OTUD7A: variants seen among roughly 807,000 people sequenced by gnomAD.
OTUD7A encodes the protein OTU domain-containing protein 7A.
Under a neutral mutation model 65.7 loss-of-function variants are expected in OTUD7A, and 12 were observed. That is an observed-to-expected ratio of 0.18 (90% CI 0.12 to 0.30). OTUD7A has a LOEUF of 0.30. Ranked by LOEUF, OTUD7A falls within the 10% of genes least tolerant of loss-of-function variation. OTUD7A has a pLI of 1.00. For missense variants in OTUD7A, 1,148 were observed against 1,304.8 expected (o/e 0.88, Z 1.85); for synonymous variants, 641 against 586.3 (o/e 1.09, Z -1.35).
chr15:31,721,032 T>C (rs1490364130), intron 1 of OTUD7A, among the ~76,000 whole-genome samples: 2 of 152,222 alleles, frequency 1.3e-5, no homozygotes, highest in Non-Finnish European at 2.9e-5. Flanking sequence ...AGCAACAGGC[T>C]ATACCACATA....
intron 8 of OTUD7A, among the ~76,000 whole-genome samples, chr15:31,519,525 C>G (rs7179153): frequency 0.093 from 14,173 of 152,210 alleles, 862 homozygotes; most frequent in African/African-American, 0.17. Flanking sequence ...TCTTCTATGA[C>G]AAACCCACAG....
chr15:31,483,982 G>T lies in OTUD7A; in HGVS notation c.2114C>A (p.Pro705Gln), dbSNP rs1202126443. The T allele has an allele frequency of 1.8e-6, 2 of 1,136,580 alleles. No individual in the cohort carries two copies. Among genetic ancestry groups the T allele is most frequent in the Non-Finnish European group, 1.1e-6 (1 of 925,580 alleles). 70.4% of individuals were successfully genotyped at this position (1,136,580 alleles called of 1,614,324 possible). A position where few individuals can be genotyped will look rare whatever the true frequency, so the allele number is the denominator to read the frequency against. Residue 705 changes from proline to glutamine, a missense_variant, in exon 13 of 13, where the codon CCG (proline) becomes CAG (glutamine). Around this residue, in one of 6 missense-constraint regions of OTUD7A, gnomAD observed 842 missense variants for 769.5 expected, o/e 1.09. Transcript: ENST00000307050. ...AATAKRPPRR[P>Q]ETEGVPVPER... is the part of the protein sequence containing the mutation. ...CGGGACCGGCACGCCCTCCGTCTCC[G>T]GTCTGCGCGGCGGCCGCTTGGCCGT...
At chr15:31,517,561 A>T (rs2041876021) in intron 8 of OTUD7A, among the ~76,000 whole-genome samples, 1 of 152,186 alleles carries the variant, frequency 6.6e-6, no homozygotes, top group Non-Finnish European at 1.5e-5. Context: ...CAATATAATG[A>T]CTTCATCCTC....
intron 3 of OTUD7A, among the ~76,000 whole-genome samples, chr15:31,630,545 G>GA (rs1170077936): frequency 6.6e-6 from 1 of 152,094 alleles, no homozygotes; most frequent in Non-Finnish European, 1.5e-5. Flanking sequence ...GTGTGGTGCT[G>GA]AAAAAAATGT....
intron 3 of OTUD7A, among the ~76,000 whole-genome samples, chr15:31,576,365 G>A (rs1256326192): frequency 1.3e-5 from 2 of 152,270 alleles, no homozygotes; most frequent in East Asian, 3.9e-4. Context: ...TAAAAATTCA[G>A]ATTTACTGAG....
intron 8 of OTUD7A, among the ~76,000 whole-genome samples, chr15:31,522,804 C>T (rs1449516302): frequency 1.3e-5 from 2 of 152,214 alleles, no homozygotes; most frequent in South Asian, 2.1e-4. Flanking sequence ...CACACCCACA[C>T]CTGGTCTCTG....
chr15:31,617,556 G>T (rs1469946012), intron 3 of OTUD7A, among the ~76,000 whole-genome samples: 2 of 152,050 alleles, frequency 1.3e-5, no homozygotes, highest in African/African-American at 4.8e-5. Flanking sequence ...GTGTCTATGT[G>T]CAAAAGAAGG....
chr15:31,811,718 C>T (rs1162588913), intron 1 of OTUD7A, among the ~76,000 whole-genome samples: 3 of 152,162 alleles, frequency 2.0e-5, no homozygotes, highest in Non-Finnish European at 4.4e-5. Context: ...ACCATCCTCA[C>T]TCTGTAGGGA....
intron 10 of OTUD7A, among the ~76,000 whole-genome samples, chr15:31,494,011 C>T (rs879145235): frequency 1.2e-4 from 18 of 152,250 alleles, no homozygotes; most frequent in Admixed American, 8.5e-4. Flanking sequence ...ATAGCCTGTA[C>T]GTGAGGCCAA....
chr15:31,749,848 T>C (rs1186972371), intron 1 of OTUD7A, among the ~76,000 whole-genome samples: 1 of 152,118 alleles, frequency 6.6e-6, no homozygotes, highest in Non-Finnish European at 1.5e-5. Flanking sequence ...CTAGATCTGA[T>C]AAACATAGTA....
At chr15:31,746,923 A>G (rs896397417) in intron 1 of OTUD7A, among the ~76,000 whole-genome samples, 3 of 152,182 alleles carry the variant, frequency 2.0e-5, no homozygotes, top group Non-Finnish European at 4.4e-5. Flanking sequence ...AAATTTCTGT[A>G]TCTTGGTAGG....
At chr15:31,558,889 T>C in intron 5 of OTUD7A, 80 bp downstream of exon 5, 1 of 1,462,574 alleles carries the variant, frequency 6.8e-7, no homozygotes, top group Non-Finnish European at 9.4e-7. Flanking sequence ...TGTGCCCTTC[T>C]CTTGCTCATA....
intron 1 of OTUD7A, among the ~76,000 whole-genome samples, chr15:31,794,022 A>G (rs557908881): frequency 6.6e-6 from 1 of 152,222 alleles, no homozygotes; most frequent in East Asian, 1.9e-4. Context: ...AATTTTAAAA[A>G]CCCTTCTACA....
intron 3 of OTUD7A, among the ~76,000 whole-genome samples, chr15:31,654,694 T>C (rs956920334): frequency 2.0e-5 from 3 of 152,216 alleles, no homozygotes; most frequent in African/African-American, 7.2e-5. Flanking sequence ...ATACGGAGGA[T>C]GCAATTTCTC....
At chr15:31,524,631 C>G (rs2041986071) in intron 8 of OTUD7A, among the ~76,000 whole-genome samples, 1 of 152,032 alleles carries the variant, frequency 6.6e-6, no homozygotes, top group African/African-American at 2.4e-5. Context: ...GGGGTCACTC[C>G]CATCCACCCT....
chr15:31,632,733 A>G (rs1478775534), intron 3 of OTUD7A, among the ~76,000 whole-genome samples: 1 of 152,238 alleles, frequency 6.6e-6, no homozygotes, highest in African/African-American at 2.4e-5. Context: ...TGGAGCCTAC[A>G]GAGGCAGGCA....
chr15:31,798,208 G>C (rs1329153943), intron 1 of OTUD7A, among the ~76,000 whole-genome samples: 1 of 152,114 alleles, frequency 6.6e-6, no homozygotes, highest in Non-Finnish European at 1.5e-5. Flanking sequence ...GCATTTTGTG[G>C]GGGGGTGGGG....
intron 1 of OTUD7A, among the ~76,000 whole-genome samples, chr15:31,801,197 G>A (rs1896115738): frequency 6.6e-6 from 1 of 152,220 alleles, no homozygotes. Context: ...GCAGGATGGT[G>A]TGTGCCAGGG....
At chr15:31,574,881 G>C (rs909765206) in intron 3 of OTUD7A, among the ~76,000 whole-genome samples, 6 of 152,044 alleles carry the variant, frequency 3.9e-5, no homozygotes, top group Non-Finnish European at 8.8e-5. Flanking sequence ...ATCAGCCCAG[G>C]GCCAGGTACC....
Sources: gnomAD v4.1 joint callset for allele counts (sites outside exome capture counted in the v4.1 genomes callset) on GRCh38, gnomAD v4.1.1 for gene constraint, gnomAD v4.1.1 regional missense constraint, MANE v1.5 for transcripts, NCBI Gene and HGNC (gene_info 2026-07-23, HGNC 2026-07-21) for gene names.